Variants in PTPRD observed in about 807,000 individuals in gnomAD.
PTPRD encodes the protein protein tyrosine phosphatase receptor type D.
Under a neutral mutation model 214.5 loss-of-function variants are expected in PTPRD, and 34 were observed. The observed-to-expected ratio is 0.16, with a 90% CI of 0.12 to 0.21. The LOEUF is 0.21. PTPRD is among the 10% of genes least tolerant of loss of function. PTPRD has a pLI of 1.00. For missense variants in PTPRD, 2,545 were observed against 2,398.7 expected (o/e 1.06, Z -1.27); for synonymous variants, 1,128 against 845.7 (o/e 1.33, Z -5.79).
In PTPRD at chr9:8,959,368, G is replaced by A. The variant is rs148963030; in HGVS notation, c.-104+59329C>T. ...TACTTCAAGATTTGATATATGAGTT[G>A]AGGAGAGCCAGGAAAATAGTGGGGA... On this transcript the variant is annotated intron_variant, in intron 11 of 45. Transcript: ENST00000381196. Among the ~76,000 whole-genome samples, 258 of 152,116 alleles carry A rather than the reference G, an allele frequency of 1.7e-3. 1 individual carries two copies. Among genetic ancestry groups the A allele is most frequent in the Non-Finnish European group, 3.0e-3 (206 of 67,954 alleles).
At chr9:8,642,452 A>G (rs1446091648) in intron 12 of PTPRD, among the ~76,000 whole-genome samples, 6 of 152,180 alleles carry the variant, frequency 3.9e-5, no homozygotes, top group African/African-American at 9.7e-5. Flanking sequence ...AGACAGGGAG[A>G]GAATGTTCAG....
At chr9:10,056,727 G>C (rs2097657461) in intron 3 of PTPRD, among the ~76,000 whole-genome samples, 1 of 152,022 alleles carries the variant, frequency 6.6e-6, no homozygotes, top group African/African-American at 2.4e-5. Context: ...TCTCTACCGG[G>C]AGTCATTGAA....
intron 11 of PTPRD, among the ~76,000 whole-genome samples, chr9:8,822,577 G>A (rs566310032): frequency 1.3e-5 from 2 of 152,288 alleles, no homozygotes; most frequent in South Asian, 4.1e-4. Context: ...GATTCACTGA[G>A]ATAAAGTAAT....
chr9:8,965,447 C>T (rs2099187868), intron 11 of PTPRD, among the ~76,000 whole-genome samples: 1 of 151,804 alleles, frequency 6.6e-6, no homozygotes, highest in African/African-American at 2.4e-5. Context: ...TTGAAGTCCC[C>T]CACTTTTATT....
chr9:8,972,754 T>C (rs927263392), intron 11 of PTPRD, among the ~76,000 whole-genome samples: 1 of 152,004 alleles, frequency 6.6e-6, no homozygotes, highest in African/African-American at 2.4e-5. Context: ...TACAGACTTT[T>C]GTTTTAATCT....
chr9:10,208,471 G>GCCACTT (rs1564535023), intron 3 of PTPRD, among the ~76,000 whole-genome samples: 1 of 152,208 alleles, frequency 6.6e-6, no homozygotes, highest in African/African-American at 2.4e-5. Flanking sequence ...CGGAGATCGC[G>GCCACTT]CCACTGCACT....
chr9:9,628,388 C>A (rs909679828), intron 7 of PTPRD, among the ~76,000 whole-genome samples: 2 of 151,936 alleles, frequency 1.3e-5, no homozygotes, highest in African/African-American at 4.8e-5. Flanking sequence ...TTTTTTGTTC[C>A]CCCTTTCTGC....
At chr9:8,417,452 A>G (rs1029061232) in intron 35 of PTPRD, among the ~76,000 whole-genome samples, 15 of 152,178 alleles carry the variant, frequency 9.9e-5, no homozygotes, top group African/African-American at 3.6e-4. Context: ...TGAGAGACCA[A>G]TAACTCATGA....
At chr9:9,832,250 G>A (rs978344430) in intron 5 of PTPRD, among the ~76,000 whole-genome samples, 3 of 151,944 alleles carry the variant, frequency 2.0e-5, no homozygotes, top group Admixed American at 2.0e-4. Flanking sequence ...GCAGACGAAA[G>A]AGTATCTACA....
intron 8 of PTPRD, among the ~76,000 whole-genome samples, chr9:9,574,104 G>T (rs572270595): frequency 1.1e-4 from 17 of 151,868 alleles, no homozygotes; most frequent in African/African-American, 3.9e-4. Context: ...AATTTCATCA[G>T]TTTCAAAACA....
intron 5 of PTPRD, among the ~76,000 whole-genome samples, chr9:9,768,228 T>C (rs534778832): frequency 2.2e-4 from 33 of 152,256 alleles, no homozygotes; most frequent in African/African-American, 7.5e-4. Flanking sequence ...TTACATACCC[T>C]CTCTGAGACT....
intron 3 of PTPRD, among the ~76,000 whole-genome samples, chr9:10,287,560 T>C (rs1488179951): frequency 1.3e-5 from 2 of 152,076 alleles, no homozygotes. Context: ...GCCTCTCCCC[T>C]GGGAGAGTAG....
chr9:9,214,415 C>G (rs145140577), intron 9 of PTPRD, among the ~76,000 whole-genome samples: 1 of 152,036 alleles, frequency 6.6e-6, no homozygotes, highest in South Asian at 2.1e-4. Flanking sequence ...TCCACTAACT[C>G]GGAAGACATC....
intron 39 of PTPRD, among the ~76,000 whole-genome samples, chr9:8,353,400 CTATT>C (rs1241820160): frequency 7.7e-5 from 11 of 143,168 alleles, no homozygotes; most frequent in Admixed American, 3.5e-4. Flanking sequence ...ATCAGTATGC[CTATT>C]TATTTATTTA....
At chr9:8,875,914 A>G (rs1449776033) in intron 11 of PTPRD, among the ~76,000 whole-genome samples, 2 of 152,146 alleles carry the variant, frequency 1.3e-5, no homozygotes, top group East Asian at 3.9e-4. Flanking sequence ...ACATGGAAAG[A>G]TGGAAAAACA....
chr9:8,725,656 C>T (rs1177148833), intron 12 of PTPRD, among the ~76,000 whole-genome samples: 1 of 152,040 alleles, frequency 6.6e-6, no homozygotes, highest in East Asian at 1.9e-4. Context: ...AATATTTAAT[C>T]CTATTATTCA....
chr9:10,074,695 A>C (rs1007126871), intron 3 of PTPRD, among the ~76,000 whole-genome samples: 1 of 152,128 alleles, frequency 6.6e-6, no homozygotes, highest in Non-Finnish European at 1.5e-5. Context: ...GATTTAGAGG[A>C]AAGAGTGGGC....
intron 5 of PTPRD, among the ~76,000 whole-genome samples, chr9:9,859,786 A>G (rs778722436): frequency 8.5e-5 from 13 of 152,164 alleles, no homozygotes; most frequent in Non-Finnish European, 1.9e-4. Flanking sequence ...ATCCTTACCA[A>G]AGTAATTTGT....
intron 2 of PTPRD, among the ~76,000 whole-genome samples, chr9:10,558,137 T>C (rs1001706297): frequency 6.6e-6 from 1 of 152,034 alleles, no homozygotes; most frequent in Non-Finnish European, 1.5e-5. Context: ...GCTGAAAGAG[T>C]GCCCTTTTTG....
Sources: allele counts gnomAD v4.1 joint callset (sites outside exome capture counted in the v4.1 genomes callset), GRCh38; gene constraint gnomAD v4.1.1; transcripts MANE v1.5; gene names NCBI Gene and HGNC (gene_info 2026-07-23, HGNC 2026-07-21).